Variants in TIAM1 observed in about 807,000 individuals in gnomAD.
TIAM1 encodes the protein rho guanine nucleotide exchange factor TIAM1.
TIAM1 carries 65 observed loss-of-function variants against 163.5 expected under a neutral mutation model. The observed-to-expected ratio is 0.40, with a 90% CI of 0.33 to 0.49. The LOEUF (loss-of-function observed/expected upper bound fraction) is 0.49, where lower values mean the gene tolerates loss of function less well. Among genes scored for constraint, TIAM1 ranks in the 20% least tolerant of loss-of-function variants. The pLI is 0.77. For missense variants in TIAM1, 1,789 were observed against 2,044.7 expected (o/e 0.87, Z 2.41); for synonymous variants, 833 against 810.1 (o/e 1.03, Z -0.48).
chr21:31,311,172 GTT>G lies in TIAM1; in HGVS notation c.-189+28069_-189+28070del, dbSNP rs34323103. Among the ~76,000 whole-genome samples the G allele has an allele frequency of 4.8e-5, 7 of 147,134 alleles. No homozygotes were observed. The East Asian group carries it at 6.0e-4, about 13-fold the overall frequency. ...AATGGTTTTTTTGTTTGTTTGTTTT[GTT>G]TTTTTTTTTGTCAAATTTGGAGGAA... is the stretch of plus-strand genomic sequence containing the variant. On this transcript the variant is annotated intron_variant, in intron 2 of 27. Coordinates refer to ENST00000541036, the MANE Select transcript of TIAM1 (RefSeq NM_001353694.2).
At chr21:31,239,224 G>C (rs918107609) in intron 6 of TIAM1, among the ~76,000 whole-genome samples, 1 of 152,080 alleles carries the variant, frequency 6.6e-6, no homozygotes, top group African/African-American at 2.4e-5. Flanking sequence ...CTTGGTGCAA[G>C]TGATCCTCCC....
chr21:31,467,000 G>C (rs1332672711), intron 1 of TIAM1, among the ~76,000 whole-genome samples: 4 of 143,928 alleles, frequency 2.8e-5, no homozygotes, highest in Non-Finnish European at 6.0e-5. Context: ...GAAACTAAAA[G>C]ACTGGATTTA....
intron 26 of TIAM1, among the ~76,000 whole-genome samples, chr21:31,125,644 G>A (rs1299188820): frequency 1.3e-5 from 2 of 152,138 alleles, no homozygotes; most frequent in East Asian, 3.9e-4. Flanking sequence ...GTATGATCTT[G>A]GCTCATTGCA....
chr21:31,147,152 C>A (rs1371262166), intron 19 of TIAM1, 149 bp from the exon 20 acceptor site: 5 of 655,124 alleles, frequency 7.6e-6, no homozygotes, highest in East Asian at 5.5e-5. Flanking sequence ...CTATCAAATG[C>A]CCTAAAATTG....
chr21:31,322,356 T>C (rs1209011337), intron 2 of TIAM1, among the ~76,000 whole-genome samples: 1 of 150,956 alleles, frequency 6.6e-6, no homozygotes, highest in Non-Finnish European at 1.5e-5. Flanking sequence ...AGGACAATTC[T>C]AGCTCGTATT....
intron 12 of TIAM1, among the ~76,000 whole-genome samples, chr21:31,202,419 C>T (rs1032902234): frequency 6.6e-5 from 10 of 151,534 alleles, no homozygotes; most frequent in African/African-American, 2.2e-4. Flanking sequence ...AATAAAAGTT[C>T]GTCAGCCATG....
intron 25 of TIAM1, among the ~76,000 whole-genome samples, chr21:31,128,703 C>T (rs938314027): frequency 4.5e-4 from 68 of 152,160 alleles, no homozygotes; most frequent in African/African-American, 1.3e-3. Context: ...AAAAGGGCAT[C>T]CGGCAAATCT....
At chr21:31,534,694 G>A (rs1288778213) in intron 1 of TIAM1, among the ~76,000 whole-genome samples, 1 of 151,934 alleles carries the variant, frequency 6.6e-6, no homozygotes, top group Non-Finnish European at 1.5e-5. Flanking sequence ...TCCAAAATCA[G>A]CACTTAAGAA....
intron 2 of TIAM1, among the ~76,000 whole-genome samples, chr21:31,308,576 T>A (rs1601908408): frequency 6.6e-6 from 1 of 152,182 alleles, no homozygotes; most frequent in East Asian, 1.9e-4. Flanking sequence ...TAGTATACTC[T>A]ATAAAAGGAC....
chr21:31,386,750 G>C (rs2076878841), intron 2 of TIAM1, among the ~76,000 whole-genome samples: 1 of 152,176 alleles, frequency 6.6e-6, no homozygotes, highest in South Asian at 2.1e-4. Context: ...CGGGTGGAAG[G>C]AAAGTAACAG....
At chr21:31,359,732 C>T (rs562697706) in intron 2 of TIAM1, among the ~76,000 whole-genome samples, 2 of 150,558 alleles carry the variant, frequency 1.3e-5, no homozygotes, top group Non-Finnish European at 3.0e-5. Context: ...GAGGTTGCAA[C>T]AAGTCGAGAT....
rs543312545 is a variant in TIAM1 at position 31,503,765 on chromosome 21, C to A, written c.-421-39730G>T. On this transcript the variant is annotated intron_variant, in intron 1 of 28. Coordinates refer to the TIAM1 transcript ENST00000286827. ...TACCTCTTCATCATCACAGTAAAGT[C>A]CGCCCTCAGAAGACTGGAGAGGTTG... is the stretch of plus-strand genomic sequence containing the variant. Among the ~76,000 whole-genome samples the A allele has an allele frequency of 4.6e-5, 7 of 151,146 alleles. No homozygotes were observed. In the East Asian group the frequency reaches 1.4e-3, roughly 30 times the overall value.
chr21:31,407,973 T>C (rs140693796), intron 2 of TIAM1, among the ~76,000 whole-genome samples: 1 of 152,262 alleles, frequency 6.6e-6, no homozygotes, highest in Non-Finnish European at 1.5e-5. Flanking sequence ...AAGGAATCAG[T>C]GAATGGCTGA....
At chr21:31,347,939 T>C (rs1032821150), upstream of TIAM1, among the ~76,000 whole-genome samples, 3 of 152,170 alleles carry the variant, frequency 2.0e-5, no homozygotes, top group Admixed American at 6.5e-5. Context: ...TAAATTCATG[T>C]TGGAAAACAA....
At chr21:31,448,553 C>A (rs2044711624) in intron 2 of TIAM1, among the ~76,000 whole-genome samples, 1 of 150,688 alleles carries the variant, frequency 6.6e-6, no homozygotes, top group Admixed American at 6.7e-5. Flanking sequence ...TTGCAGTGAG[C>A]CAAGATTGTG....
chr21:31,293,427 A>G (rs894543427), intron 2 of TIAM1, among the ~76,000 whole-genome samples: 2 of 152,248 alleles, frequency 1.3e-5, no homozygotes, highest in African/African-American at 2.4e-5. Flanking sequence ...GTATTTGACC[A>G]AACGACTAGG....
At chr21:31,210,255 A>G (rs761824949) in intron 10 of TIAM1, 40 bp from the exon 11 acceptor site, 8 of 1,599,928 alleles carry the variant, frequency 5.0e-6, no homozygotes, top group Non-Finnish European at 6.8e-6. Flanking sequence ...GCAGCAGTGG[A>G]GCTCTGACAA....
At chr21:31,195,103 G>A (rs1326431158) in intron 13 of TIAM1, 121 bp downstream of exon 13, 6 of 691,464 alleles carry the variant, frequency 8.7e-6, no homozygotes, top group African/African-American at 7.2e-5. Context: ...CACAGAGCAG[G>A]AGCCAGATAT....
chr21:31,273,746 C>A (rs2073169917), intron 3 of TIAM1, among the ~76,000 whole-genome samples: 1 of 152,158 alleles, frequency 6.6e-6, no homozygotes, highest in Admixed American at 6.5e-5. Flanking sequence ...GGGGTAAGTA[C>A]AATCAATAGA....
Sources: allele counts gnomAD v4.1 joint callset (sites outside exome capture counted in the v4.1 genomes callset), GRCh38; gene constraint gnomAD v4.1.1; transcripts MANE v1.5; gene names NCBI Gene and HGNC (gene_info 2026-07-23, HGNC 2026-07-21).